KIAA1958: variants seen among roughly 807,000 people sequenced by gnomAD.
The protein encoded by KIAA1958 is uncharacterized protein KIAA1958.
KIAA1958 carries 14 observed loss-of-function variants against 47.2 expected under a neutral mutation model. The ratio of observed to expected loss-of-function variants is 0.30; its 90% CI spans 0.20 to 0.46. KIAA1958 has a LOEUF of 0.46. Among genes scored for constraint, KIAA1958 ranks in the 20% least tolerant of loss-of-function variants. The pLI is 1.00. For missense variants in KIAA1958, 803 were observed against 909.2 expected, an observed-to-expected ratio of 0.88 and a Z score of 1.50; for synonymous variants, 354 against 353.3, an observed-to-expected ratio of 1.00 and a Z score of -0.02.
At chr9:112,611,515 A>G (rs965772768) in intron 2 of KIAA1958, among the ~76,000 whole-genome samples, 1 of 152,062 alleles carries the variant, frequency 6.6e-6, no homozygotes, top group Non-Finnish European at 1.5e-5. Context: ...AAATTTAACA[A>G]AACTCTTTAA....
chr9:112,536,246 A>C (rs1190022299), intron 1 of KIAA1958, among the ~76,000 whole-genome samples: 1 of 152,188 alleles, frequency 6.6e-6, no homozygotes, highest in African/African-American at 2.4e-5. Flanking sequence ...TTATTTTTAG[A>C]AACAGTACAA....
intron 2 of KIAA1958, among the ~76,000 whole-genome samples, chr9:112,627,926 G>T (rs1836645312): frequency 6.6e-6 from 1 of 152,156 alleles, no homozygotes; most frequent in African/African-American, 2.4e-5. Context: ...GTCTAGTTTG[G>T]TACCTGGTGT....
At chr9:112,492,687 G>T (rs1470523062) in intron 1 of KIAA1958, among the ~76,000 whole-genome samples, 1 of 152,094 alleles carries the variant, frequency 6.6e-6, no homozygotes. Context: ...AAGGCTTTTT[G>T]TTTTTCACTC....
chr9:112,610,166 T>C (rs1187878845), intron 2 of KIAA1958, among the ~76,000 whole-genome samples: 1 of 151,910 alleles, frequency 6.6e-6, no homozygotes, highest in African/African-American at 2.4e-5. Flanking sequence ...AGTAACTAGA[T>C]AAAAATAATC....
At chr9:112,655,075 C>T (rs535192810) in intron 3 of KIAA1958, among the ~76,000 whole-genome samples, 1 of 152,242 alleles carries the variant, frequency 6.6e-6, no homozygotes, top group African/African-American at 2.4e-5. Context: ...CATTTGGGTA[C>T]AGTTTTTCTA....
At chr9:112,639,617 C>A (rs912761275) in intron 2 of KIAA1958, among the ~76,000 whole-genome samples, 1 of 152,188 alleles carries the variant, frequency 6.6e-6, no homozygotes, top group Non-Finnish European at 1.5e-5. Context: ...CACCACATAC[C>A]AGGCTGCTCC....
At chr9:112,542,214 A>G (rs1400775758) in intron 1 of KIAA1958, among the ~76,000 whole-genome samples, 1 of 152,130 alleles carries the variant, frequency 6.6e-6, no homozygotes, top group Non-Finnish European at 1.5e-5. Context: ...TATGTTCTTA[A>G]TGATATATTG....
intron 1 of KIAA1958, among the ~76,000 whole-genome samples, chr9:112,549,717 C>G (rs1404603826): frequency 6.6e-6 from 1 of 152,176 alleles, no homozygotes; most frequent in East Asian, 1.9e-4. Context: ...AGAAATGAGT[C>G]TAAGTCAGTG....
At position 112,663,958 on chromosome 9, in the gene KIAA1958, T is replaced by C. The variant is rs1029141969; in HGVS notation, c.*3889T>C. The C allele has an allele frequency of 1.3e-5, 2 of 152,284 alleles. No individual in the cohort carries two copies. Among genetic ancestry groups the C allele is most frequent in the African/African-American group, 4.8e-5 (2 of 41,480 alleles). 9.4% of individuals were successfully genotyped at this position (152,284 alleles called of 1,614,324 possible). A position where few individuals can be genotyped will look rare whatever the true frequency, so the allele number is the denominator to read the frequency against. Reference sequence around the variant, plus strand: ...TTGTAGAAACGGAAGCATCTTGCTGTACTTGAAAGATAACTGGACTCAGAG... The same window carrying C: ...TTGTAGAAACGGAAGCATCTTGCTGCACTTGAAAGATAACTGGACTCAGAG... On this transcript the variant is annotated 3_prime_UTR_variant, in exon 4 of 4. Transcript: ENST00000337530.
At chr9:112,544,096 T>G (rs1834989782) in intron 1 of KIAA1958, among the ~76,000 whole-genome samples, 1 of 152,048 alleles carries the variant, frequency 6.6e-6, no homozygotes, top group Non-Finnish European at 1.5e-5. Context: ...TATCCAACCT[T>G]TGTGCACTAA....
At chr9:112,549,042 TC>T (rs931662334) in intron 1 of KIAA1958, among the ~76,000 whole-genome samples, 87 of 152,276 alleles carry the variant, frequency 5.7e-4, no homozygotes, top group African/African-American at 2.0e-3. Context: ...AAAAATAACT[TC>T]CTGTTGCTTA....
intron 1 of KIAA1958, among the ~76,000 whole-genome samples, chr9:112,538,537 G>A (rs1392254908): frequency 6.6e-6 from 1 of 152,104 alleles, no homozygotes; most frequent in Non-Finnish European, 1.5e-5. Flanking sequence ...AGACAAAGTG[G>A]ATTTCAGGTT....
chr9:112,520,127 A>C (rs1834511817), intron 1 of KIAA1958, among the ~76,000 whole-genome samples: 1 of 152,240 alleles, frequency 6.6e-6, no homozygotes. Context: ...GTTAGTAGTA[A>C]GGAGATGGCA....
intron 2 of KIAA1958, among the ~76,000 whole-genome samples, chr9:112,623,838 G>A (rs1419640407): frequency 6.6e-6 from 1 of 152,168 alleles, no homozygotes; most frequent in Admixed American, 6.5e-5. Flanking sequence ...AGTATCGATT[G>A]CCATTGACCA....
intron 3 of KIAA1958, among the ~76,000 whole-genome samples, chr9:112,646,087 GTTT>G (rs10578182): frequency 2.5e-4 from 37 of 149,008 alleles, no homozygotes; most frequent in African/African-American, 2.7e-4. Flanking sequence ...TATTTAAGTG[GTTT>G]TTTTTTTTTT....
At chr9:112,506,153 A>G (rs1312289409) in intron 1 of KIAA1958, among the ~76,000 whole-genome samples, 1 of 152,192 alleles carries the variant, frequency 6.6e-6, no homozygotes, top group Non-Finnish European at 1.5e-5. Flanking sequence ...TACTGTGGCA[A>G]TTTGTAAAAA....
At chr9:112,621,577 G>A (rs567111662) in intron 2 of KIAA1958, among the ~76,000 whole-genome samples, 2 of 152,176 alleles carry the variant, frequency 1.3e-5, no homozygotes, top group South Asian at 4.1e-4. Context: ...TAATCATATT[G>A]CATCTTCATT....
intron 2 of KIAA1958, among the ~76,000 whole-genome samples, chr9:112,645,380 G>A (rs988633459): frequency 1.3e-5 from 2 of 151,952 alleles, no homozygotes; most frequent in African/African-American, 4.8e-5. Flanking sequence ...TTCTATTATT[G>A]GAATGCCTGC....
intron 1 of KIAA1958, among the ~76,000 whole-genome samples, chr9:112,506,174 A>AG (rs1405907830): frequency 1.3e-5 from 2 of 152,212 alleles, no homozygotes; most frequent in African/African-American, 2.4e-5. Context: ...CAAATGTTAG[A>AG]GGCCAGGCGC....
Sources: allele counts gnomAD v4.1 joint callset (sites outside exome capture counted in the v4.1 genomes callset), GRCh38; gene constraint gnomAD v4.1.1; transcripts MANE v1.5; gene names NCBI Gene and HGNC (gene_info 2026-07-23, HGNC 2026-07-21).